The following ZNF140 variants were observed in gnomAD, a reference collection of about 807,000 sequenced individuals.
ZNF140 encodes the protein zinc finger protein 140 (clone pHZ-39).
Under a neutral mutation model 12.9 loss-of-function variants are expected in ZNF140, and 13 were observed. The observed-to-expected ratio is 1.01, with a 90% confidence interval of 0.66 to 1.60. The LOEUF (loss-of-function observed/expected upper bound fraction) is 1.60. Among genes scored for constraint, ZNF140 ranks in the 40% most tolerant of loss-of-function variants. ZNF140 has a pLI of 0.00. For synonymous variants in ZNF140, 214 were observed against 186.7 expected, an observed-to-expected ratio of 1.15 and a Z score of -1.19; for missense variants, 531 against 548.8, an observed-to-expected ratio of 0.97 and a Z score of 0.32.
intron 4 of ZNF140, among the ~76,000 whole-genome samples, chr12:133,088,413 G>A (rs916569705): frequency 2.6e-5 from 4 of 152,164 alleles, no homozygotes; most frequent in Non-Finnish European, 2.9e-5. Flanking sequence ...ATGCATTTTA[G>A]TTACATGTCT....
intron 4 of ZNF140, chr12:133,101,145 G>T: frequency 4.1e-6 from 1 of 244,940 alleles, no homozygotes; most frequent in South Asian, 4.2e-5. Context: ...TTTTTGTGAG[G>T]GGCGAGAGGG....
chr12:133,103,757 A>G (rs1955453932), intron 4 of ZNF140, among the ~76,000 whole-genome samples: 2 of 151,980 alleles, frequency 1.3e-5, no homozygotes, highest in African/African-American at 2.4e-5. Flanking sequence ...GTCTTATATC[A>G]ATATTTTCTT....
At chr12:133,081,366 TATATAAA>T (rs1566299334) in intron 2 of ZNF140, 37 bp downstream of exon 2, 12 of 267,570 alleles carry the variant, frequency 4.5e-5, no homozygotes, top group South Asian at 7.4e-5. Flanking sequence ...TATATATATA[TATATAAA>T]TTTTTATTTT....
chr12:133,100,369 A>AT (rs1403852813), intron 4 of ZNF140, among the ~76,000 whole-genome samples: 4 of 151,944 alleles, frequency 2.6e-5, no homozygotes, highest in African/African-American at 9.7e-5. Flanking sequence ...GGTGCTCCAT[A>AT]TCTTGCCCAG....
At chr12:133,099,989 T>C (rs1050742026) in intron 4 of ZNF140, among the ~76,000 whole-genome samples, 14 of 151,920 alleles carry the variant, frequency 9.2e-5, no homozygotes, top group African/African-American at 3.4e-4. Context: ...CTTGTTCTTT[T>C]TCTTGGTTTC....
At chr12:133,090,828 T>C (rs1007539475) in intron 4 of ZNF140, among the ~76,000 whole-genome samples, 3,349 of 124,560 alleles carry the variant, frequency 0.027, 116 homozygotes, top group East Asian at 0.054. Context: ...TAATTAGGTT[T>C]AAGGGAAGGT....
intron 2 of ZNF140, 194 bp from the exon 3 acceptor site, chr12:133,082,909 C>A: frequency 1.5e-6 from 1 of 651,650 alleles, no homozygotes; most frequent in Non-Finnish European, 2.4e-6. Context: ...TTATGTTTTT[C>A]TCCTTTTCTC....
Position 133,083,003 on chromosome 12 carries a change from A to T in ZNF140, c.10-100A>T. On this transcript the variant is annotated intron_variant, in intron 2 of 4. Coordinates refer to ENST00000355557, the MANE Select transcript of ZNF140 (RefSeq NM_003440.4). ...GAAAACTCTCACTGTTACTACTTAG[A>T]CACATTGCCTAACCTCCACAGTGAG... The T allele has an allele frequency of 7.0e-6, 11 of 1,561,698 alleles. No individual in the cohort carries two copies. In the South Asian group the frequency reaches 1.0e-4, roughly 15 times the overall value.
rs1226405049 is a variant in ZNF140, at chr12:133,096,052, T to A, written c.233-9458T>A. Among the ~76,000 whole-genome samples, 29 of 151,258 alleles carry A rather than the reference T, an allele frequency of 1.9e-4. 1 individual carries two copies. In the South Asian group the frequency reaches 4.4e-3, roughly 23 times the overall value. ...CACCTCAGCACAGACCCTTTATGGG[T>A]GTCGGGCTGGGGGATGGTCAGGTCT... On this transcript the variant is annotated intron_variant, in intron 4 of 4. Transcript: ENST00000355557.
chr12:133,091,067 A>C (rs1303870908), intron 4 of ZNF140, among the ~76,000 whole-genome samples: 1 of 149,132 alleles, frequency 6.7e-6, no homozygotes, highest in Non-Finnish European at 1.5e-5. Context: ...TCTCAACTGC[A>C]AGAGGCTTTC....
At chr12:133,083,030 C>T (rs1222233185) in intron 2 of ZNF140, 73 bp from the exon 3 acceptor site, 1 of 1,609,178 alleles carries the variant, frequency 6.2e-7, no homozygotes, top group East Asian at 2.2e-5. Flanking sequence ...CACAGTGAGA[C>T]TCATTTTATT....
intron 4 of ZNF140, among the ~76,000 whole-genome samples, chr12:133,095,685 A>T (rs983401423): frequency 7.9e-5 from 12 of 151,976 alleles, no homozygotes; most frequent in Admixed American, 3.9e-4. Flanking sequence ...AAAGGAATGT[A>T]GTAGGAGAGC....
In ZNF140 at chr12:133,083,193, G is replaced by A. The variant is rs1954561428; in HGVS notation, c.100G>A (p.Val34Ile). ...QPAQRDLYRC[V>I]MLENYGHLVS... ...TGCTCAAAGAGATTTGTACAGATGT[G>A]TAATGTTGGAGAACTATGGCCATCT... The change falls in exon 3 of 5, where the codon GTA (valine) becomes ATA (isoleucine). Residue 34 changes from valine (V) to isoleucine (I), a missense_variant. Coordinates refer to ENST00000355557, the MANE Select transcript of ZNF140 (RefSeq NM_003440.4). 5.0e-6 allele frequency: 8 copies of A among 1,614,032 alleles called. No individual in the cohort carries two copies. The highest frequency in any genetic ancestry group is 5.9e-6 in the Non-Finnish European group (7 of 1,180,004).
At position 133,102,902 on chromosome 12, in the gene ZNF140, A is replaced by G. The variant is rs73425980; in HGVS notation, c.233-2608A>G. ...GGTGATTGAGGAAGGGAAGTGTGTG[A>G]AGGGCTATGTAATTAGCATTCTATT... On this transcript the variant is annotated intron_variant, in intron 4 of 4. Transcript: ENST00000355557. Among the ~76,000 whole-genome samples the G allele has an allele frequency of 4.2e-3, 637 of 152,336 alleles. 4 individuals are homozygous for G. The highest frequency in any genetic ancestry group is 0.015 in the African/African-American group (615 of 41,576).
intron 4 of ZNF140, among the ~76,000 whole-genome samples, chr12:133,090,390 A>C (rs1266470545): frequency 6.6e-6 from 1 of 151,732 alleles, no homozygotes; most frequent in Non-Finnish European, 1.5e-5. Flanking sequence ...TGATCTACCC[A>C]CCTTGGCCTC....
rs1235960019 is a variant in ZNF140 at position 133,083,092 on chromosome 12, C to T, written c.10-11C>T. ...CGTGCTGGTCATGCAAATATCTGTCCGTCATTTCAGGGGTCAGTGACATTC... is the reference window on the plus strand; with the variant it reads ...CGTGCTGGTCATGCAAATATCTGTCTGTCATTTCAGGGGTCAGTGACATTC... On this transcript the variant is annotated splice_polypyrimidine_tract_variant and intron_variant, in intron 2 of 4. Transcript: ENST00000355557. 37 of 1,613,956 alleles carry T rather than the reference C, an allele frequency of 2.3e-5. No homozygotes were observed. The highest frequency in any genetic ancestry group is 1.3e-4 in the South Asian group (12 of 91,062).
At chr12:133,096,126 T>C (rs1446987157) in intron 4 of ZNF140, among the ~76,000 whole-genome samples, 11 of 151,694 alleles carry the variant, frequency 7.3e-5, no homozygotes, top group African/African-American at 2.4e-4. Flanking sequence ...GGGAGAAACC[T>C]TGGACAATAC....
intron 4 of ZNF140, among the ~76,000 whole-genome samples, chr12:133,098,978 C>T (rs1035347536): frequency 5.3e-5 from 8 of 151,286 alleles, no homozygotes; most frequent in African/African-American, 1.7e-4. Context: ...TGGGTTTAAG[C>T]GATTCTTCTG....
chr12:133,081,154 C>T (rs971346523), intron 1 of ZNF140, 82 bp downstream of exon 1: 1 of 322,932 alleles, frequency 3.1e-6, no homozygotes, highest in Admixed American at 3.6e-5. Context: ...TCAGGGCGCC[C>T]TGCTCTCTAC....
Sources: allele counts gnomAD v4.1 joint callset (sites outside exome capture counted in the v4.1 genomes callset), GRCh38; gene constraint gnomAD v4.1.1; transcripts MANE v1.5; gene names NCBI Gene and HGNC (gene_info 2026-07-23, HGNC 2026-07-21).